The following NAA16 variants were observed in gnomAD, a reference collection of about 807,000 sequenced individuals.
NAA16 encodes NARG1-like protein.
Under a neutral mutation model 110.3 loss-of-function variants are expected in NAA16, and 97 were observed. The ratio of observed to expected loss-of-function variants is 0.88; its 90% CI spans 0.75 to 1.04. The LOEUF is 1.04. Ranked by LOEUF, NAA16 falls within the 50% of genes least tolerant of loss-of-function variation. NAA16 has a pLI of 0.00. For synonymous variants in NAA16, 372 were observed against 330.6 expected, an observed-to-expected ratio of 1.13 and a Z score of -1.36; for missense variants, 1,017 against 1,005.1, an observed-to-expected ratio of 1.01 and a Z score of -0.16.
rs1593526731 is a variant in NAA16 at position 41,367,460 on chromosome 13, G to A, written c.1561G>A (p.Asp521Asn). 1.3e-6 allele frequency: 2 copies of A among 1,599,524 alleles called. No homozygotes were observed. The highest frequency in any genetic ancestry group is 2.3e-5 in the East Asian group (1 of 44,406). Residue 521 changes from aspartate to asparagine, a missense_variant, in exon 14 of 20, where the codon GAC becomes AAC. Transcript: ENST00000379406. ...TAAGCATTTTTTTGAGATAACTGAT[G>A]ACCAATTCGACTTCCATACATACTG... ...VERHFFEITD[D>N]QFDFHTYCMR...
chr13:41,369,425 T>C, intron 15 of NAA16, 142 bp downstream of exon 15: 1 of 886,452 alleles, frequency 1.1e-6, no homozygotes, highest in Non-Finnish European at 1.6e-6. Flanking sequence ...CAATTATCTT[T>C]GAGTGACAGT....
At chr13:41,360,768 A>G (rs984446826) in intron 12 of NAA16, among the ~76,000 whole-genome samples, 5 of 152,226 alleles carry the variant, frequency 3.3e-5, no homozygotes, top group Admixed American at 2.6e-4. Context: ...AAGGGCGCAT[A>G]TTTCCTTCTC....
intron 4 of NAA16, 52 bp from the exon 5 acceptor site, chr13:41,323,004 T>A (rs1385105531): frequency 6.7e-7 from 1 of 1,502,400 alleles, no homozygotes; most frequent in Non-Finnish European, 9.2e-7. Flanking sequence ...TTCTTAAAAC[T>A]GATGAAATAA....
chr13:41,355,832 T>TAAGAGGG (rs2042967423), intron 10 of NAA16, among the ~76,000 whole-genome samples: 3 of 152,336 alleles, frequency 2.0e-5, no homozygotes, highest in African/African-American at 7.2e-5. Flanking sequence ...AATCCCTAAA[T>TAAGAGGG]TCTCTGCTTT....
intron 12 of NAA16, 94 bp downstream of exon 12, chr13:41,359,056 G>T: frequency 9.1e-7 from 1 of 1,097,632 alleles, no homozygotes; most frequent in Non-Finnish European, 1.3e-6. Flanking sequence ...AACTTCAGTG[G>T]AAGTTCATAA....
Position 41,375,921 on chromosome 13 carries a change from T to G in NAA16, c.*319T>G. 1 of 195,824 alleles carries G rather than the reference T, an allele frequency of 5.1e-6. No homozygotes were observed. Among genetic ancestry groups the G allele is most frequent in the Non-Finnish European group, 1.0e-5 (1 of 97,174 alleles). The allele number at this position is 195,824 out of a possible 1,614,324, so 12.1% of individuals were successfully genotyped here. A position where few individuals can be genotyped will look rare whatever the true frequency, so the allele number is the denominator to read the frequency against. ...TCTGATTTCAGGATCTGTGCTTTGATTCCTTGTCTGTTTTATCGTATATTT... is the reference window on the plus strand; with the variant it reads ...TCTGATTTCAGGATCTGTGCTTTGAGTCCTTGTCTGTTTTATCGTATATTT... On this transcript the variant is annotated 3_prime_UTR_variant, in exon 20 of 20. Coordinates refer to ENST00000379406, the MANE Select transcript of NAA16 (RefSeq NM_024561.5).
intron 6 of NAA16, chr13:41,327,828 A>G (rs879613823): frequency 2.0e-5 from 3 of 151,810 alleles, no homozygotes; most frequent in Non-Finnish European, 4.4e-5. Context: ...TCACAAAACT[A>G]GTTAGTGGTG....
At chr13:41,370,297 A>G (rs908536701) in intron 15 of NAA16, among the ~76,000 whole-genome samples, 1 of 152,210 alleles carries the variant, frequency 6.6e-6, no homozygotes, top group Non-Finnish European at 1.5e-5. Flanking sequence ...TGAGAAAATC[A>G]TTGAGGAGAA....
chr13:41,367,646 A>C lies in NAA16; in HGVS notation c.1747A>C (p.Asn583His). The C allele has an allele frequency of 6.3e-7, 1 of 1,598,846 alleles. No individual in the cohort carries two copies. The highest frequency in any genetic ancestry group is 8.5e-7 in the Non-Finnish European group (1 of 1,169,692). The part of the protein sequence containing the change: ...LTNESKQQEI[N>H]SENLSAKELK... ...CAATGAAAGCAAACAACAAGAAATA[A>C]ACTCAGGTAACTGAATAGGAACTTA... The change falls in exon 14 of 20, where the codon AAC becomes CAC. Residue 583 changes from asparagine to histidine, a missense_variant. Physicochemically the swap from Asn to His is moderately conservative, Grantham distance 68. Transcript: ENST00000379406.
At chr13:41,346,329 A>G (rs892745103) in intron 9 of NAA16, among the ~76,000 whole-genome samples, 4 of 152,186 alleles carry the variant, frequency 2.6e-5, no homozygotes, top group Admixed American at 2.0e-4. Context: ...AGTCTGTTCC[A>G]CTGATGTGTA....
intron 10 of NAA16, among the ~76,000 whole-genome samples, chr13:41,356,665 A>C (rs1023893736): frequency 6.6e-6 from 1 of 152,220 alleles, no homozygotes; most frequent in Non-Finnish European, 1.5e-5. Context: ...TGGTTGTTAT[A>C]TCTCCATAAG....
At chr13:41,372,881 A>G in intron 17 of NAA16, 51 bp downstream of exon 17, 1 of 1,437,234 alleles carries the variant, frequency 7.0e-7, no homozygotes, top group Non-Finnish European at 9.2e-7. Context: ...TTCTAAGGGG[A>G]GGAGGTTGTT....
chr13:41,360,589 C>G (rs2043092552), intron 12 of NAA16, among the ~76,000 whole-genome samples: 1 of 152,140 alleles, frequency 6.6e-6, no homozygotes, highest in African/African-American at 2.4e-5. Flanking sequence ...TCTGATCATC[C>G]ACTTTTGACA....
intron 6 of NAA16, among the ~76,000 whole-genome samples, chr13:41,327,103 T>A (rs1039380688): frequency 6.6e-6 from 1 of 152,178 alleles, no homozygotes; most frequent in Non-Finnish European, 1.5e-5. Flanking sequence ...CTTAGTAGTG[T>A]ATGTTTTTTT....
intron 19 of NAA16, among the ~76,000 whole-genome samples, 168 bp downstream of exon 19, chr13:41,375,007 T>C (rs1344261036): frequency 6.6e-6 from 1 of 152,218 alleles, no homozygotes; most frequent in Non-Finnish European, 1.5e-5. Flanking sequence ...TTAGCTTCTT[T>C]TTCCTCATTT....
At chr13:41,312,035 A>G (rs576209629) in intron 1 of NAA16, among the ~76,000 whole-genome samples, 2 of 152,326 alleles carry the variant, frequency 1.3e-5, no homozygotes, top group African/African-American at 2.4e-5. Context: ...GCACACCCGC[A>G]TACCTATTAA....
rs192440584 is a variant in NAA16 at position 41,324,322 on chromosome 13, A to T, written c.537+1132A>T. On this transcript the variant is annotated intron_variant, in intron 5 of 19. Coordinates refer to ENST00000379406, the MANE Select transcript of NAA16 (RefSeq NM_024561.5). Reference sequence around the variant, plus strand: ...TTTCCTTTGAACACAAAATTATGACATTTTGATGGTTAGATTTAGGTGTTT... The same window carrying T: ...TTTCCTTTGAACACAAAATTATGACTTTTTGATGGTTAGATTTAGGTGTTT... Among the ~76,000 whole-genome samples, 4 of 135,846 alleles carry T rather than the reference A, an allele frequency of 2.9e-5. No homozygotes were observed. In the East Asian group the frequency reaches 8.5e-4, roughly 29 times the overall value. The allele number at this position is 135,846 out of a possible 152,430, so 89.1% of individuals were successfully genotyped here. A position where few individuals can be genotyped will look rare whatever the true frequency, so the allele number is the denominator to read the frequency against.
intron 1 of NAA16, among the ~76,000 whole-genome samples, chr13:41,316,305 A>G (rs1479208018): frequency 5.8e-5 from 6 of 103,902 alleles, no homozygotes; most frequent in Admixed American, 4.7e-4. Flanking sequence ...AATTTTTGTA[A>G]TTTTTTTTTT....
intron 9 of NAA16, among the ~76,000 whole-genome samples, chr13:41,339,132 GT>G (rs59236437): frequency 0.31 from 16,739 of 53,794 alleles, 1,044 homozygotes; most frequent in East Asian, 0.47. Flanking sequence ...TGTTGTTGTT[GT>G]TTGTTTGTTT....
Sources: allele counts gnomAD v4.1 joint callset (sites outside exome capture counted in the v4.1 genomes callset), GRCh38; gene constraint gnomAD v4.1.1; transcripts MANE v1.5; gene names NCBI Gene and HGNC (gene_info 2026-07-23, HGNC 2026-07-21).